Variants in CFAP46 observed in about 807,000 individuals in gnomAD.
The protein encoded by CFAP46 is cilia- and flagella-associated protein 46.
In CFAP46, 245 loss-of-function variants were observed where a neutral mutation model predicts 325.7. The observed-to-expected ratio is 0.75, with a 90% CI of 0.68 to 0.84. The LOEUF (loss-of-function observed/expected upper bound fraction) is 0.84. Among genes scored for constraint, CFAP46 ranks in the 40% least tolerant of loss-of-function variants. The pLI, the probability that CFAP46 is intolerant of heterozygous loss-of-function variation, is 0.00. For missense variants in CFAP46, 3,346 were observed against 3,543.0 expected, an observed-to-expected ratio of 0.94 and a Z score of 1.41; for synonymous variants, 1,523 against 1,495.9, an observed-to-expected ratio of 1.02 and a Z score of -0.42.
chr10:132,941,617 A>C lies in CFAP46; in HGVS notation c.280T>G (p.Cys94Gly). The C allele has an allele frequency of 2.5e-6, 4 of 1,613,462 alleles. No individual in the cohort carries two copies. Among genetic ancestry groups the C allele is most frequent in the Non-Finnish European group, 3.4e-6 (4 of 1,179,786 alleles). ...AGGTTTTCTGCCGACTTCGGGGCAC[A>C]CATCTGGGCCCTGCACAGGTGCGCT... Reference protein sequence around the residue: ...GRAHLCRAQMCAPKSAENLEE... With the variant: ...GRAHLCRAQMGAPKSAENLEE... Residue 94 changes from cysteine to glycine, a missense_variant, in exon 3 of 58, where the codon TGT becomes GGT. By Grantham distance (159) the Cys-to-Gly change is radical. Coordinates refer to ENST00000368586, the MANE Select transcript of CFAP46 (RefSeq NM_001200049.3).
intron 50 of CFAP46, among the ~76,000 whole-genome samples, chr10:132,830,873 G>A (rs532964194): frequency 6.6e-6 from 1 of 152,290 alleles, no homozygotes; most frequent in Non-Finnish European, 1.5e-5. Flanking sequence ...AGAAATAGCA[G>A]CCATTGCTTT....
At chr10:132,870,377 G>C (rs1410650381) in intron 32 of CFAP46, among the ~76,000 whole-genome samples, 1 of 152,124 alleles carries the variant, frequency 6.6e-6, no homozygotes, top group Admixed American at 6.5e-5. Context: ...TCACGTTAAA[G>C]AAAAGCCAAA....
In CFAP46 at chr10:132,942,143, G is replaced by C. The variant is rs779273807; in HGVS notation, c.50-39C>G. Reference sequence around the variant, plus strand: ...GTGGTTGAGGAAGGTTTGGTCACTGGGCTGGGAGAAGTGAGCCGGGCAACG... The same window carrying C: ...GTGGTTGAGGAAGGTTTGGTCACTGCGCTGGGAGAAGTGAGCCGGGCAACG... On this transcript the variant is annotated intron_variant, in intron 1 of 57. Transcript: ENST00000368586. The C allele has an allele frequency of 5.2e-6, 8 of 1,549,606 alleles. No homozygotes were observed. In the South Asian group the frequency reaches 9.5e-5, roughly 18 times the overall value.
chr10:132,814,356 A>G (rs1230469467), intron 53 of CFAP46, 102 bp from the exon 54 acceptor site: 4 of 1,081,998 alleles, frequency 3.7e-6, no homozygotes, highest in Non-Finnish European at 5.5e-6. Flanking sequence ...GCAGGCGCAT[A>G]TATCAGTGCC....
chr10:132,876,212 A>G lies in CFAP46; in HGVS notation c.4362+600T>C, dbSNP rs1303202691. 6.6e-6 allele frequency among the ~76,000 whole-genome samples: 1 copy of G among 152,248 alleles called. No individual in the cohort carries two copies. The highest frequency in any genetic ancestry group is 6.5e-5 in the Admixed American group (1 of 15,292). Reference sequence around the variant, plus strand: ...GAGTGGCATCAGCAGGGATCTGCGCAGGGCCACTCTACCCACAGCGGGCAC... The same window carrying G: ...GAGTGGCATCAGCAGGGATCTGCGCGGGGCCACTCTACCCACAGCGGGCAC... On this transcript the variant is annotated intron_variant, in intron 31 of 57. Transcript: ENST00000368586. This position sits in a 1 kb window ranked among gnomAD's most constrained non-coding sequence, Gnocchi z 4.1.
At chr10:132,940,581 CTTT>C (rs368101100) in intron 4 of CFAP46, among the ~76,000 whole-genome samples, 1 of 145,280 alleles carries the variant, frequency 6.9e-6, no homozygotes. Flanking sequence ...AAAACAGACT[CTTT>C]TTTTTTTTTT....
rs757393491 is a variant in CFAP46 at position 132,846,234 on chromosome 10, G to A, written c.6268-7C>T. ...TCTCTGAGGCCGAGCAGCTCTGAAA[G>A]GGAGCAGGGGAGGTGTACCAGGGGC... On this transcript the variant is annotated splice_region_variant and splice_polypyrimidine_tract_variant and intron_variant, in intron 43 of 57. Coordinates refer to ENST00000368586, the MANE Select transcript of CFAP46 (RefSeq NM_001200049.3). 5.0e-6 allele frequency: 8 copies of A among 1,610,272 alleles called. No individual in the cohort carries two copies. In the Admixed American group the frequency reaches 5.0e-5, roughly 10 times the overall value.
At chr10:132,835,023 C>T (rs1218025659) in intron 47 of CFAP46, among the ~76,000 whole-genome samples, 1 of 152,174 alleles carries the variant, frequency 6.6e-6, no homozygotes, top group African/African-American at 2.4e-5. Flanking sequence ...GTGGGGACAG[C>T]CGGGCCCAGG....
intron 4 of CFAP46, among the ~76,000 whole-genome samples, chr10:132,940,603 A>G (rs1850082837): frequency 6.6e-6 from 1 of 151,714 alleles, no homozygotes; most frequent in African/African-American, 2.4e-5. Flanking sequence ...TTATTGATAC[A>G]GAGTCTCGCT....
chr10:132,941,639 C>T lies in CFAP46; in HGVS notation c.258G>A (p.Ala86=), dbSNP rs533625003. 5.0e-6 allele frequency: 8 copies of T among 1,613,876 alleles called. No homozygotes were observed. The African/African-American group carries it at 5.3e-5, about 11-fold the overall frequency. ...KAPITQFLGR[A]HLCRAQMCAP... ...CACACATCTGGGCCCTGCACAGGTG[C>T]GCTCGGCCCAGAAACTGGGTGATGG... Residue 86 remains alanine, a synonymous_variant, in exon 3 of 58, where the codon GCG becomes GCA. Transcript: ENST00000368586.
intron 27 of CFAP46, among the ~76,000 whole-genome samples, chr10:132,882,811 A>G (rs1168798155): frequency 6.6e-6 from 1 of 151,838 alleles, no homozygotes; most frequent in Non-Finnish European, 1.5e-5. Context: ...ATGGGGAAGG[A>G]GGGGAGCAGC....
At chr10:132,899,363 G>A (rs12766207) in intron 23 of CFAP46, among the ~76,000 whole-genome samples, 172 bp downstream of exon 23, 26,189 of 152,098 alleles carry the variant, frequency 0.17, 3,027 homozygotes, top group African/African-American at 0.33. Context: ...GCAAGAGGGG[G>A]CCGCTGCACC....
chr10:132,846,749 A>G (rs1848443965), intron 43 of CFAP46, among the ~76,000 whole-genome samples, 183 bp downstream of exon 43: 1 of 152,196 alleles, frequency 6.6e-6, no homozygotes, highest in Non-Finnish European at 1.5e-5. Flanking sequence ...GGATAAGCAC[A>G]CGAATGCATG....
intron 43 of CFAP46, 36 bp from the exon 44 acceptor site, chr10:132,846,263 AG>A (rs746676946): frequency 4.4e-6 from 7 of 1,600,424 alleles, no homozygotes; most frequent in Non-Finnish European, 6.0e-6. Flanking sequence ...CAGGGGCCCG[AG>A]GCCTGGGCGG....
chr10:132,814,758 G>A lies in CFAP46; in HGVS notation c.7189-12C>T. ...CGGGGGATGCTGCCCTGCAACCACA[G>A]ACCAGGGTCAGCAGGTGCAGGGGCC... On this transcript the variant is annotated splice_polypyrimidine_tract_variant and intron_variant, in intron 51 of 57. Coordinates refer to ENST00000368586, the MANE Select transcript of CFAP46 (RefSeq NM_001200049.3). 1 of 1,613,772 alleles carries A rather than the reference G, an allele frequency of 6.2e-7. No homozygotes were observed. The highest frequency in any genetic ancestry group is 2.2e-5 in the East Asian group (1 of 44,866).
chr10:132,912,078 GCT>G (rs1849547946), intron 19 of CFAP46, among the ~76,000 whole-genome samples: 1 of 151,764 alleles, frequency 6.6e-6, no homozygotes, highest in Non-Finnish European at 1.5e-5. Context: ...GGTCTGCAGG[GCT>G]CTGTCTCAGG....
chr10:132,907,618 A>G (rs1367772140), intron 22 of CFAP46, among the ~76,000 whole-genome samples: 1 of 152,184 alleles, frequency 6.6e-6, no homozygotes, highest in Non-Finnish European at 1.5e-5. Context: ...GCAGCTGTCT[A>G]CCTGCTGAAT....
intron 27 of CFAP46, among the ~76,000 whole-genome samples, chr10:132,882,316 G>A (rs1343555419): frequency 6.6e-6 from 1 of 151,610 alleles, no homozygotes; most frequent in Non-Finnish European, 1.5e-5. Flanking sequence ...AGGTGTGAAG[G>A]TGTGGCCTGT....
In CFAP46 at chr10:132,925,953, G is replaced by A. The variant is rs193255201; in HGVS notation, c.1065+615C>T. ...CCCAGCCGACCCTGTGGCACTTGCCGTGGTACCACATCAGGGCTGCAGGCC... is the reference window on the plus strand; with the variant it reads ...CCCAGCCGACCCTGTGGCACTTGCCATGGTACCACATCAGGGCTGCAGGCC... On this transcript the variant is annotated intron_variant, in intron 10 of 57. Coordinates refer to ENST00000368586, the MANE Select transcript of CFAP46 (RefSeq NM_001200049.3). 2.0e-4 allele frequency among the ~76,000 whole-genome samples: 31 copies of A among 152,368 alleles called. 1 individual carries two copies. In the Middle Eastern group the frequency reaches 0.01, roughly 50 times the overall value.
Sources: allele counts gnomAD v4.1 joint callset (sites outside exome capture counted in the v4.1 genomes callset), GRCh38; gene constraint gnomAD v4.1.1; non-coding constraint Gnocchi (gnomAD v3.1); transcripts MANE v1.5; gene names NCBI Gene and HGNC (gene_info 2026-07-23, HGNC 2026-07-21).